The following KIRREL2 variants were observed in gnomAD, a reference collection of about 807,000 sequenced individuals.
KIRREL2 encodes the protein kin of IRRE-like protein 2.
Under a neutral mutation model 73.4 loss-of-function variants are expected in KIRREL2, and 56 were observed. The ratio of observed to expected loss-of-function variants is 0.76; its 90% CI spans 0.62 to 0.95. KIRREL2 has a LOEUF of 0.95. Among genes scored for constraint, KIRREL2 ranks in the 40% least tolerant of loss-of-function variants. The pLI is 0.00. For synonymous variants in KIRREL2, 407 were observed against 404.0 expected (o/e 1.01, Z -0.09); for missense variants, 896 against 935.0 (o/e 0.96, Z 0.54).
upstream of KIRREL2, chr19:35,851,887 C>G: frequency 1.3e-6 from 2 of 1,514,314 alleles, no homozygotes; most frequent in South Asian, 1.2e-5. Context: ...CAGCCACCTG[C>G]GTCTGTCTGG....
At chr19:35,851,803 A>G (rs1200535267), upstream of KIRREL2, 2 of 1,553,216 alleles carry the variant, frequency 1.3e-6, no homozygotes. Flanking sequence ...CCCCAGGAGC[A>G]GGAGAGAAGC....
chr19:35,861,781 G>T, intron 10 of KIRREL2, 24 bp from the exon 11 acceptor site: 1 of 1,588,882 alleles, frequency 6.3e-7, no homozygotes, highest in Non-Finnish European at 8.6e-7. Flanking sequence ...TCTCCTCCGT[G>T]TCCTCCCTCT....
intron 13 of KIRREL2, among the ~76,000 whole-genome samples, chr19:35,863,731 C>T (rs1973816655): frequency 1.3e-5 from 2 of 152,064 alleles, no homozygotes; most frequent in African/African-American, 2.4e-5. Flanking sequence ...GGATTACAGG[C>T]ATGAGCCTCC....
rs753421630 is a variant in KIRREL2 at position 35,861,026 on chromosome 19, G to A, written c.1046G>A (p.Gly349Asp). ...PLPRVTWTRR[G>D]GAQVLGSGAT... Reference sequence around the variant, plus strand: ...CCACGGGTAACCTGGACCCGCCGCGGTGGCGCGCAGGTACAGCCCTAAATC... The same window carrying A: ...CCACGGGTAACCTGGACCCGCCGCGATGGCGCGCAGGTACAGCCCTAAATC... Residue 349 changes from glycine to aspartate, a missense_variant, in exon 8 of 15, where the codon GGT becomes GAT. By Grantham distance (94) the Gly-to-Asp change is moderately conservative. Transcript: ENST00000360202. 35 of 1,611,642 alleles carry A rather than the reference G, an allele frequency of 2.2e-5. No individual in the cohort carries two copies. The highest frequency in any genetic ancestry group is 3.0e-5 in the Non-Finnish European group (35 of 1,179,330).
chr19:35,852,841 G>A (rs768955079), upstream of KIRREL2, among the ~76,000 whole-genome samples: 1 of 151,992 alleles, frequency 6.6e-6, no homozygotes, highest in Non-Finnish European at 1.5e-5. Flanking sequence ...GAGTGCAGTG[G>A]CATCTCGGCT....
At chr19:35,865,681 C>T (rs187677775) in intron 14 of KIRREL2, among the ~76,000 whole-genome samples, 77 of 152,362 alleles carry the variant, frequency 5.1e-4, no homozygotes, top group African/African-American at 1.8e-3. Context: ...ATCACAGCCC[C>T]TGTCATTGCC....
rs1187580964 is a variant in KIRREL2 at position 35,857,263 on chromosome 19, C to T, written c.62-82C>T. 4 of 1,605,408 alleles carry T rather than the reference C, an allele frequency of 2.5e-6. No homozygotes were observed. In the African/African-American group the frequency reaches 4.0e-5, roughly 16 times the overall value. ...TGCCTCTTCACTAGCGAGAAGGGAG[C>T]TGGGGGCTGGGACTCCTGGGTCCTG... is the stretch of plus-strand genomic sequence containing the variant. On this transcript the variant is annotated intron_variant, in intron 1 of 14. Coordinates refer to ENST00000360202, the MANE Select transcript of KIRREL2 (RefSeq NM_199180.4).
intron 4 of KIRREL2, 78 bp from the exon 5 acceptor site, chr19:35,859,403 C>T: frequency 7.6e-7 from 1 of 1,316,554 alleles, no homozygotes. Context: ...ATTCTTCTTC[C>T]AATGTGGCCC....
At chr19:35,855,656 TACACACACACAC>T (rs57458964), upstream of KIRREL2, among the ~76,000 whole-genome samples, 848 of 84,916 alleles carry the variant, frequency 1.0e-2, 12 homozygotes, top group African/African-American at 0.029. Context: ...CACCTCCCCA[TACACACACACAC>T]ACACACACAC....
At chr19:35,851,448 A>G (rs1436617936), upstream of KIRREL2, 2 of 1,613,210 alleles carry the variant, frequency 1.2e-6, no homozygotes, top group African/African-American at 2.7e-5. Context: ...TCAGGCTCTG[A>G]TCCCTTACCT....
At position 35,860,252 on chromosome 19, in the gene KIRREL2, G is replaced by C. The variant is rs1199600936; in HGVS notation, c.674-45G>C. 2.0e-6 allele frequency: 3 copies of C among 1,518,004 alleles called. No individual in the cohort carries two copies. The South Asian group carries it at 3.4e-5, about 17-fold the overall frequency. 94.0% of individuals were successfully genotyped at this position (1,518,004 alleles called of 1,614,324 possible). ...CTGGACACCTAGGCCAGTGACGGAG[G>C]TGTTCCTGGTCCTTGCCCATCTGAC... On this transcript the variant is annotated intron_variant, in intron 5 of 14. Transcript: ENST00000360202.
Position 35,866,949 on chromosome 19 carries a change from A to T in KIRREL2, c.*457A>T, listed in dbSNP as rs972431907. ...AGGGGAACTTTGCTCGGCCAATGGA[A>T]ATGCAGCCAAGATGGCCATATACTC... On this transcript the variant is annotated 3_prime_UTR_variant, in exon 15 of 15. Coordinates refer to ENST00000360202, the MANE Select transcript of KIRREL2 (RefSeq NM_199180.4). 3 of 189,646 alleles carry T rather than the reference A, an allele frequency of 1.6e-5. No individual in the cohort carries two copies. Among genetic ancestry groups the T allele is most frequent in the African/African-American group, 7.2e-5 (3 of 41,916 alleles). The allele number at this position is 189,646 out of a possible 1,614,324, so 11.7% of individuals were successfully genotyped here.
upstream of KIRREL2, chr19:35,851,523 G>T (rs1487823473): frequency 6.2e-7 from 1 of 1,613,816 alleles, no homozygotes; most frequent in Admixed American, 1.7e-5. Context: ...GGGCCCAGGA[G>T]CAGCCCATCT....
In KIRREL2 at chr19:35,860,507, C is replaced by T. The variant is rs1973618686; in HGVS notation, c.780-12C>T. ...GGCCAGGACAACGTTAACAGCGCCA[C>T]CATTTCCTCAGGTGGGCAAAAGGGG... On this transcript the variant is annotated splice_polypyrimidine_tract_variant and intron_variant, in intron 6 of 14. Coordinates refer to ENST00000360202, the MANE Select transcript of KIRREL2 (RefSeq NM_199180.4). 1.9e-6 allele frequency: 3 copies of T among 1,602,666 alleles called. No individual in the cohort carries two copies. The highest frequency in any genetic ancestry group is 1.7e-5 in the Admixed American group (1 of 59,984).
chr19:35,860,223 G>T, intron 5 of KIRREL2, 74 bp from the exon 6 acceptor site: 1 of 1,255,660 alleles, frequency 8.0e-7, no homozygotes, highest in East Asian at 2.3e-5. Context: ...GGAGGAACCA[G>T]GGACTGGACA....
chr19:35,854,508 A>G (rs559597452), upstream of KIRREL2, among the ~76,000 whole-genome samples: 64 of 151,804 alleles, frequency 4.2e-4, no homozygotes, highest in African/African-American at 1.5e-3. Flanking sequence ...TTTTTAGTAA[A>G]GACGGGGTTT....
intron 13 of KIRREL2, 99 bp from the exon 14 acceptor site, chr19:35,864,549 C>T: frequency 1.1e-6 from 1 of 924,214 alleles, no homozygotes; most frequent in Non-Finnish European, 1.8e-6. Flanking sequence ...CTTACTCCCT[C>T]CTGCCTGGCC....
At chr19:35,864,522 C>G (rs1973872314) in intron 13 of KIRREL2, 126 bp from the exon 14 acceptor site, 1 of 702,558 alleles carries the variant, frequency 1.4e-6, no homozygotes, top group Admixed American at 2.3e-5. Flanking sequence ...GAGTGCAGTC[C>G]CCAGCTCTTG....
In KIRREL2 at chr19:35,860,458, G is replaced by A. The variant is rs553323540; in HGVS notation, c.779+56G>A. ...CCAAGAGTGAGCTTGGGAAGGGCTG[G>A]GACCTGAGTAGGTGTGCCAGAGAGG... is the stretch of plus-strand genomic sequence containing the variant. On this transcript the variant is annotated intron_variant, in intron 6 of 14. Transcript: ENST00000360202. 1.9e-6 allele frequency: 3 copies of A among 1,605,376 alleles called. No individual in the cohort carries two copies. In the Admixed American group the frequency reaches 5.0e-5, roughly 27 times the overall value.
Sources: gnomAD v4.1 joint callset for allele counts (sites outside exome capture counted in the v4.1 genomes callset) on GRCh38, gnomAD v4.1.1 for gene constraint, MANE v1.5 for transcripts, NCBI Gene and HGNC (gene_info 2026-07-23, HGNC 2026-07-21) for gene names.